The following COL9A3 variants were observed in gnomAD, a reference collection of about 807,000 sequenced individuals.
COL9A3 encodes the protein collagen alpha-3(IX) chain.
COL9A3 carries 82 observed loss-of-function variants against 110.2 expected under a neutral mutation model. The ratio of observed to expected loss-of-function variants is 0.74; its 90% confidence interval spans 0.62 to 0.89. The LOEUF (loss-of-function observed/expected upper bound fraction) is 0.89, where lower values mean the gene tolerates loss of function less well. Among genes scored for constraint, COL9A3 ranks in the 40% least tolerant of loss-of-function variants. The pLI, the probability that COL9A3 is intolerant of heterozygous loss-of-function variation, is 0.00. For missense variants in COL9A3, 1,066 were observed against 981.3 expected (o/e 1.09, Z -1.15); for synonymous variants, 494 against 403.8 (o/e 1.22, Z -2.68).
In COL9A3 at chr20:62,828,945, C is replaced by T. The variant is rs2063574722; in HGVS notation, c.977C>T (p.Ala326Val). The T allele has an allele frequency of 2.5e-6, 4 of 1,611,186 alleles. No homozygotes were observed. The highest frequency in any genetic ancestry group is 3.4e-6 in the Non-Finnish European group (4 of 1,179,658). The change falls in exon 19 of 32, where the codon GCT becomes GTT. Residue 326 changes from alanine to valine, a missense_variant. Coordinates refer to ENST00000649368, the MANE Select transcript of COL9A3 (RefSeq NM_001853.4). ...CAGGGAGAGGCTGGTCGCAACGGTG[C>T]TCCGGGAGAGAAGGGCCCCAACGGG... ...GQKGEAGRNG[A>V]PGEKGPNGLP...
intron 10 of COL9A3, 45 bp from the exon 11 acceptor site, chr20:62,824,400 G>A (rs1180690534): frequency 7.7e-6 from 12 of 1,564,692 alleles, no homozygotes; most frequent in Non-Finnish European, 1.0e-5. Flanking sequence ...CGGACGTCCT[G>A]CTCTGTTTGG....
At chr20:62,821,129 G>T in intron 5 of COL9A3, 52 bp from the exon 6 acceptor site, 1 of 1,592,118 alleles carries the variant, frequency 6.3e-7, no homozygotes, top group Non-Finnish European at 8.6e-7. Context: ...GAGGGGATTG[G>T]GTTTGCAAAT....
chr20:62,817,526 C>A, intron 1 of COL9A3, 41 bp from the exon 2 acceptor site: 1 of 1,426,062 alleles, frequency 7.0e-7, no homozygotes, highest in Non-Finnish European at 9.7e-7. Context: ...GTCAGGCCCA[C>A]GGGGGCACCT....
In COL9A3 at chr20:62,824,391, G is replaced by C. The variant is rs190709831; in HGVS notation, c.520-54G>C. On this transcript the variant is annotated intron_variant, in intron 10 of 31. Transcript: ENST00000649368. ...TCCCGCGGGCGCTGACCCCTGCGTC[G>C]GACGTCCTGCTCTGTTTGGCTGGGA... The C allele has an allele frequency of 4.5e-6, 7 of 1,539,284 alleles. No homozygotes were observed. In the South Asian group the frequency reaches 8.3e-5, roughly 18 times the overall value.
chr20:62,831,811 G>A (rs1384725366), intron 24 of COL9A3: 1 of 398,120 alleles, frequency 2.5e-6, no homozygotes, highest in African/African-American at 2.0e-5. Context: ...CACAATGCCG[G>A]GGGAAGGTGA....
chr20:62,826,368 C>T, intron 14 of COL9A3, 111 bp downstream of exon 14: 2 of 1,059,168 alleles, frequency 1.9e-6, no homozygotes, highest in East Asian at 2.6e-5. Context: ...CAGCCGGCAC[C>T]CTGGCTCTGG....
chr20:62,833,131 C>A, intron 26 of COL9A3, 67 bp downstream of exon 26: 1 of 1,328,874 alleles, frequency 7.5e-7, no homozygotes, highest in Non-Finnish European at 1.1e-6. Context: ...GGCTGGGGAA[C>A]AGTCCTGGGG....
Position 62,826,192 on chromosome 20 carries a change from T to A in COL9A3, c.685-12T>A. On this transcript the variant is annotated splice_polypyrimidine_tract_variant and intron_variant, in intron 13 of 31. Coordinates refer to ENST00000649368, the MANE Select transcript of COL9A3 (RefSeq NM_001853.4). The stretch of plus-strand genomic sequence containing the variant: ...CAGCCCCAGCCTCTGCATCTGTGCC[T>A]CTCTCTCGCAGGGCCCCCGGGGATT... 1.3e-6 allele frequency: 2 copies of A among 1,557,792 alleles called. No individual in the cohort carries two copies. Among genetic ancestry groups the A allele is most frequent in the Non-Finnish European group, 1.7e-6 (2 of 1,151,438 alleles).
chr20:62,836,856 A>G (rs1450187726), intron 29 of COL9A3: 1 of 682,094 alleles, frequency 1.5e-6, no homozygotes, highest in African/African-American at 1.8e-5. Context: ...AAACACCCCC[A>G]AGGGCACTTC....
Position 62,826,709 on chromosome 20 carries a change from G to C in COL9A3, c.739-58G>C, listed in dbSNP as rs956326163. ...CTGGGCCGCCCCTGAGGGAGCACTG[G>C]GGGGATGCCAGCCAGGCCTCAGACA... On this transcript the variant is annotated intron_variant, in intron 14 of 31. Coordinates refer to ENST00000649368, the MANE Select transcript of COL9A3 (RefSeq NM_001853.4). The C allele has an allele frequency of 1.5e-5, 24 of 1,595,620 alleles. No homozygotes were observed. In the South Asian group the frequency reaches 2.6e-4, roughly 17 times the overall value.
Position 62,818,569 on chromosome 20 carries a change from T to A in COL9A3, c.183+16T>A. The A allele has an allele frequency of 6.2e-7, 1 of 1,611,768 alleles. No individual in the cohort carries two copies. The highest frequency in any genetic ancestry group is 8.5e-7 in the Non-Finnish European group (1 of 1,178,890). ...TGGGCCCCCGGTGAGTGTCCCTGGC[T>A]GGGGAGACAGCCTTTTTCCAGTCTG... On this transcript the variant is annotated intron_variant, in intron 3 of 31. Coordinates refer to ENST00000649368, the MANE Select transcript of COL9A3 (RefSeq NM_001853.4).
rs766772895 is a variant in COL9A3 at position 62,822,664 on chromosome 20, T to TG, written c.519+38dup. 10 of 1,606,450 alleles carry TG rather than the reference T, an allele frequency of 6.2e-6. No homozygotes were observed. In the East Asian group the frequency reaches 1.6e-4, roughly 25 times the overall value. ...ACTTGAAGCCATTTGTTAAGGGTGC[T>TG]GGGGGGTGCCTACCTTGGGGGGAGG... On this transcript the variant is annotated intron_variant, in intron 10 of 31. Transcript: ENST00000649368.
Position 62,840,617 on chromosome 20 carries a change from C to T in COL9A3, c.1940C>T (p.Pro647Leu), listed in dbSNP as rs746563077. The T allele has an allele frequency of 2.5e-6, 4 of 1,613,202 alleles. No homozygotes were observed. The African/African-American group carries it at 4.0e-5, about 16-fold the overall frequency. Reference protein sequence around the residue: ...APGEPGPPGDPGLPGAIGAQG... With the variant: ...APGEPGPPGDLGLPGAIGAQG... ...GGCGAGCCTGGGCCTCCCGGAGATC[C>T]TGGGCTTCCAGGTGCCATTGGGGCC... The change falls in exon 32 of 32, where the codon CCT becomes CTT. Residue 647 changes from proline to leucine, a missense_variant. Physicochemically the swap from Pro to Leu is moderately conservative, Grantham distance 98 (BLOSUM62 -3). Transcript: ENST00000649368.
intron 10 of COL9A3, 60 bp from the exon 11 acceptor site, chr20:62,824,385 T>C (rs2063534501): frequency 1.3e-6 from 2 of 1,538,118 alleles, no homozygotes; most frequent in Non-Finnish European, 1.8e-6. Context: ...CGCTGACCCC[T>C]GCGTCGGACG....
At chr20:62,827,879 TG>T in intron 16 of COL9A3, 43 bp from the exon 17 acceptor site, 1 of 1,605,180 alleles carries the variant, frequency 6.2e-7, no homozygotes, top group Non-Finnish European at 8.5e-7. Context: ...TGAGGCCGTC[TG>T]GGAAGAGACT....
chr20:62,821,877 C>G, intron 8 of COL9A3, 67 bp downstream of exon 8: 1 of 886,406 alleles, frequency 1.1e-6, no homozygotes, highest in African/African-American at 1.6e-5. Context: ...GACTCAACAG[C>G]CAGGGGCTCC....
intron 15 of COL9A3, 58 bp downstream of exon 15, chr20:62,826,878 C>G: frequency 1.3e-6 from 2 of 1,575,444 alleles, no homozygotes; most frequent in Non-Finnish European, 1.7e-6. Flanking sequence ...CCCTTTCCCT[C>G]TGCTCCTCTC....
chr20:62,819,803 C>A, intron 4 of COL9A3, 126 bp from the exon 5 acceptor site: 1 of 1,043,024 alleles, frequency 9.6e-7, no homozygotes, highest in Non-Finnish European at 1.5e-6. Flanking sequence ...GAGGAGGCTG[C>A]CACCCTAAGG....
At chr20:62,826,072 G>A in intron 13 of COL9A3, 132 bp from the exon 14 acceptor site, 1 of 1,145,492 alleles carries the variant, frequency 8.7e-7, no homozygotes, top group African/African-American at 1.5e-5. Context: ...TCCCTCTGGG[G>A]GACCTGAGCT....
Sources: gnomAD v4.1 joint callset for allele counts on GRCh38, gnomAD v4.1.1 for gene constraint, MANE v1.5 for transcripts, NCBI Gene and HGNC (gene_info 2026-07-23, HGNC 2026-07-21) for gene names.